Variants in WDR6 observed in about 807,000 individuals in gnomAD.
WDR6 encodes the protein tRNA (34-2'-O)-methyltransferase regulator WDR6.
WDR6 carries 58 observed loss-of-function variants against 85.6 expected under a neutral mutation model. That is an observed-to-expected ratio of 0.68 (90% CI 0.55 to 0.84). The LOEUF (loss-of-function observed/expected upper bound fraction) is 0.84. WDR6 is among the 40% of genes least tolerant of loss of function. The pLI, the probability that WDR6 is intolerant of heterozygous loss-of-function variation, is 0.00. For missense variants in WDR6, 1,310 were observed against 1,476.4 expected (o/e 0.89, Z 1.85); for synonymous variants, 569 against 582.2 (o/e 0.98, Z 0.33).
Position 49,015,821 on chromosome 3 carries a change from G to C in WDR6, c.*533G>C. The C allele has an allele frequency of 6.2e-7, 1 of 1,614,184 alleles. No homozygotes were observed. Among genetic ancestry groups the C allele is most frequent in the Non-Finnish European group, 8.5e-7 (1 of 1,180,042 alleles). On this transcript the variant is annotated 3_prime_UTR_variant, in exon 6 of 6. Coordinates refer to ENST00000608424, the MANE Select transcript of WDR6 (RefSeq NM_018031.6). The stretch of plus-strand genomic sequence containing the variant: ...GTGCTCACCCCCAGGATGTGTACCC[G>C]GTTGTAGTAGGAGCTGAAATCCATG...
chr3:49,014,896 C>T lies in WDR6; in HGVS notation c.2974C>T (p.Arg992Cys), dbSNP rs774514627. ...CAACAGCCTGCACACCTTGCCCACC[C>T]GTGAGGGCCACCATCTCGTGGCCAG... The part of the protein sequence containing the change: ...GINSLHTLPT[R>C]EGHHLVASGS... Residue 992 changes from arginine to cysteine, a missense_variant, in exon 6 of 6, where the codon CGT becomes TGT. Transcript: ENST00000608424. This position sits in a 1 kb window ranked among gnomAD's most constrained non-coding sequence, Gnocchi z 4.9. 6.8e-6 allele frequency: 11 copies of T among 1,613,834 alleles called. No homozygotes were observed. The highest frequency in any genetic ancestry group is 4.5e-5 in the East Asian group (2 of 44,872).
chr3:49,013,996 AC>A lies in WDR6; in HGVS notation c.2466del (p.Ser823AlafsTer18). The stretch of plus-strand genomic sequence containing the variant: ...TGCTTCAGCATCATGGTTACTCCGG[AC>A]CCCAGCACCCCAAGCCGCCTCGCCT... ...MHCFSIMVTPDPSTPSRLACH... is the reference protein window; with the variant it reads ...MHCFSIMVTPXPSTPSRLACH... On this transcript the variant is annotated frameshift_variant, in exon 2 of 6. Coordinates refer to ENST00000608424, the MANE Select transcript of WDR6 (RefSeq NM_018031.6). LOFTEE classifies it high-confidence loss of function. This position sits in a 1 kb window ranked among gnomAD's most constrained non-coding sequence, Gnocchi z 4.6. The A allele has an allele frequency of 6.2e-7, 1 of 1,610,924 alleles. No individual in the cohort carries two copies. Among genetic ancestry groups the A allele is most frequent in the South Asian group, 1.1e-5 (1 of 91,058 alleles).
At position 49,013,085 on chromosome 3, in the gene WDR6, A is replaced by G. The variant is rs760686245; in HGVS notation, c.1551A>G (p.Leu517=). Residue 517 remains leucine, a synonymous_variant, in exon 2 of 6, where the codon CTA becomes CTG. Coordinates refer to ENST00000608424, the MANE Select transcript of WDR6 (RefSeq NM_018031.6). This position sits in a 1 kb window ranked among gnomAD's most constrained non-coding sequence, Gnocchi z 4.6. The stretch of plus-strand genomic sequence containing the variant: ...GTGACCGCCGGGGCTCTGTGCTGCT[A>G]TTCCCCTCCAGACCAGGTCTGCTCA... The part of the protein sequence containing the change: ...VCGDRRGSVL[L]FPSRPGLLKD... The G allele has an allele frequency of 4.3e-6, 7 of 1,610,596 alleles. No individual in the cohort carries two copies. Among genetic ancestry groups the G allele is most frequent in the East Asian group, 2.2e-5 (1 of 44,792 alleles).
intron 1 of WDR6, chr3:49,008,400 T>G (rs1257423150): frequency 1.3e-5 from 2 of 151,566 alleles, no homozygotes; most frequent in Admixed American, 6.6e-5. Context: ...CCTAAGAGGG[T>G]GTGTGTATGG....
In WDR6 at chr3:49,015,731, T is replaced by G; in HGVS notation, c.*443T>G. The G allele has an allele frequency of 6.2e-7, 1 of 1,614,042 alleles. No individual in the cohort carries two copies. Among genetic ancestry groups the G allele is most frequent in the Non-Finnish European group, 8.5e-7 (1 of 1,179,980 alleles). On this transcript the variant is annotated 3_prime_UTR_variant, in exon 6 of 6. Transcript: ENST00000608424. ...TCCTGAAAGAGAAAGGGCCTGCTGGTCTCATCCTCTGCTTCCTTTGCCTTT... is the reference window on the plus strand; with the variant it reads ...TCCTGAAAGAGAAAGGGCCTGCTGGGCTCATCCTCTGCTTCCTTTGCCTTT...
intron 1 of WDR6, among the ~76,000 whole-genome samples, chr3:49,010,695 A>C (rs2093009537): frequency 6.6e-6 from 1 of 151,794 alleles, no homozygotes. Context: ...TTAAAAATAC[A>C]AAAAATTAGC....
Position 49,013,788 on chromosome 3 carries a change from G to C in WDR6, c.2254G>C (p.Val752Leu), listed in dbSNP as rs202233082. ...IVITCSEDTT[V>L]CVLALPTTTG... ...GATCACATGTAGTGAGGACACTACTGTCTGTGTCCTAGCACTCCCTACAAC... is the reference window on the plus strand; with the variant it reads ...GATCACATGTAGTGAGGACACTACTCTCTGTGTCCTAGCACTCCCTACAAC... The change falls in exon 2 of 6, where the codon GTC (valine) becomes CTC (leucine). Residue 752 changes from valine to leucine, a missense_variant. Physicochemically the swap from Val to Leu is conservative, Grantham distance 32. Transcript: ENST00000608424. The surrounding 1 kb of genome is among the most constrained non-coding windows in gnomAD (Gnocchi z 4.6). The C allele has an allele frequency of 1.7e-5, 28 of 1,614,108 alleles. No homozygotes were observed. The highest frequency in any genetic ancestry group is 2.4e-5 in the Non-Finnish European group (28 of 1,180,010).
chr3:49,009,629 G>C (rs1020091279), intron 1 of WDR6, among the ~76,000 whole-genome samples: 11 of 152,226 alleles, frequency 7.2e-5, no homozygotes, highest in Admixed American at 2.0e-4. Flanking sequence ...GATGTCTCCT[G>C]TGGGGAAAGT....
rs2093047370 is a variant in WDR6, at chr3:49,015,230, T to C, written c.3308T>C (p.Phe1103Ser). The change falls in exon 6 of 6, where the codon TTT (phenylalanine) becomes TCT (serine). Residue 1103 changes from phenylalanine to serine, a missense_variant. By Grantham distance (155) the Phe-to-Ser change is radical. Transcript: ENST00000608424. ...DMDCWPVSPE[F>S]GHRCALGGQG... Reference sequence around the variant, plus strand: ...GACTGCTGGCCTGTGAGCCCTGAGTTTGGCCACCGTTGTGCCCTTGGGGGT... The same window carrying C: ...GACTGCTGGCCTGTGAGCCCTGAGTCTGGCCACCGTTGTGCCCTTGGGGGT... 3 of 1,613,404 alleles carry C rather than the reference T, an allele frequency of 1.9e-6. No individual in the cohort carries two copies. Among genetic ancestry groups the C allele is most frequent in the African/African-American group, 1.3e-5 (1 of 74,928 alleles).
At chr3:49,008,374 G>A (rs2092996348) in intron 1 of WDR6, 1 of 152,458 alleles carries the variant, frequency 6.6e-6, no homozygotes, top group Non-Finnish European at 1.5e-5. Flanking sequence ...CAGGCCTTGA[G>A]TGAGTTGCCA....
rs1032135266 is a variant in WDR6, at chr3:49,015,716, G to C, written c.*428G>C. 17 of 1,614,072 alleles carry C rather than the reference G, an allele frequency of 1.1e-5. No individual in the cohort carries two copies. Among genetic ancestry groups the C allele is most frequent in the Non-Finnish European group, 1.4e-5 (16 of 1,180,006 alleles). ...AGGTGTGGTCGAGGCTCCTGAAAGA[G>C]AAAGGGCCTGCTGGTCTCATCCTCT... On this transcript the variant is annotated 3_prime_UTR_variant, in exon 6 of 6. Coordinates refer to ENST00000608424, the MANE Select transcript of WDR6 (RefSeq NM_018031.6).
Position 49,013,972 on chromosome 3 carries a change from G to A in WDR6, c.2438G>A (p.Cys813Tyr). The change falls in exon 2 of 6, where the codon TGC becomes TAC. Residue 813 changes from cysteine (C) to tyrosine (Y), a missense_variant. Transcript: ENST00000608424. This position sits in a 1 kb window ranked among gnomAD's most constrained non-coding sequence, Gnocchi z 4.6. ...VSAGGRAEMHCFSIMVTPDPS... is the reference protein window; with the variant it reads ...VSAGGRAEMHYFSIMVTPDPS... ...GCGGGGGGGCGGGCTGAGATGCACT[G>A]CTTCAGCATCATGGTTACTCCGGAC... The A allele has an allele frequency of 1.9e-6, 3 of 1,612,036 alleles. No homozygotes were observed. The highest frequency in any genetic ancestry group is 1.3e-5 in the African/African-American group (1 of 75,014).
At position 49,013,828 on chromosome 3, in the gene WDR6, A is replaced by T. The variant is rs773991867; in HGVS notation, c.2294A>T (p.His765Leu). Residue 765 changes from histidine to leucine, a missense_variant, in exon 2 of 6, where the codon CAC (histidine) becomes CTC (leucine). Coordinates refer to ENST00000608424, the MANE Select transcript of WDR6 (RefSeq NM_018031.6). The surrounding 1 kb of genome is among the most constrained non-coding windows in gnomAD (Gnocchi z 4.6). ...CTCCCTACAACCACAGGCTCAGCCCACGCACTCACAGCTGTTTGTAACCAT... is the reference window on the plus strand; with the variant it reads ...CTCCCTACAACCACAGGCTCAGCCCTCGCACTCACAGCTGTTTGTAACCAT... ...LALPTTTGSA[H>L]ALTAVCNHIS... The T allele has an allele frequency of 6.2e-7, 1 of 1,613,966 alleles. No individual in the cohort carries two copies. Among genetic ancestry groups the T allele is most frequent in the South Asian group, 1.1e-5 (1 of 91,090 alleles).
At chr3:49,008,912 TCCTC>T in intron 1 of WDR6, 1 of 152,924 alleles carries the variant, frequency 6.5e-6, no homozygotes, top group Non-Finnish European at 1.5e-5. Flanking sequence ...GAGACAGTCT[TCCTC>T]TGTCACCCAG....
Position 49,015,647 on chromosome 3 carries a change from G to T in WDR6, c.*359G>T, listed in dbSNP as rs753020281. 4.3e-6 allele frequency: 7 copies of T among 1,614,024 alleles called. No homozygotes were observed. Among genetic ancestry groups the T allele is most frequent in the Non-Finnish European group, 5.9e-6 (7 of 1,180,042 alleles). On this transcript the variant is annotated 3_prime_UTR_variant, in exon 6 of 6. Coordinates refer to ENST00000608424, the MANE Select transcript of WDR6 (RefSeq NM_018031.6). ...GCCAGGCCAGTATGGAGCACCTCAC[G>T]CACAGCTCTCAGAAGCTGCAGGCGG...
Position 49,012,344 on chromosome 3 carries a change from C to T in WDR6, c.810C>T (p.Tyr270=), listed in dbSNP as rs774356638. The change falls in exon 2 of 6, where the codon TAC becomes TAT. Residue 270 remains tyrosine (Y), a synonymous_variant. Coordinates refer to ENST00000608424, the MANE Select transcript of WDR6 (RefSeq NM_018031.6). This position sits in a 1 kb window ranked among gnomAD's most constrained non-coding sequence, Gnocchi z 4.4. ...RVWQVKLLEN[Y]LISAGEDCVC... ...GGCAGGTCAAGCTTCTAGAGAATTA[C>T]CTTATCAGTGCAGGAGAGGATTGTG... The T allele has an allele frequency of 1.2e-6, 2 of 1,614,100 alleles. No individual in the cohort carries two copies. Among genetic ancestry groups the T allele is most frequent in the Admixed American group, 1.7e-5 (1 of 60,012 alleles).
chr3:49,007,651 C>A lies in WDR6; in HGVS notation c.100+120C>A, dbSNP rs1346779789. ...AGAAGGACGGGCAGCAGGTTGAGGC[C>A]GATCGGAGGTGGGAAGGGAGCCCCG... On this transcript the variant is annotated intron_variant, in intron 1 of 5. Transcript: ENST00000608424. The surrounding 1 kb of genome is among the most constrained non-coding windows in gnomAD (Gnocchi z 5.1). 5 of 1,351,068 alleles carry A rather than the reference C, an allele frequency of 3.7e-6. No homozygotes were observed. The East Asian group carries it at 1.4e-4, about 38-fold the overall frequency. The allele number at this position is 1,351,068 out of a possible 1,614,324, so 83.7% of individuals were successfully genotyped here.
In WDR6 at chr3:49,014,691, C is replaced by T; in HGVS notation, c.2875C>T (p.Pro959Ser). Residue 959 changes from proline (P) to serine (S), a missense_variant, in exon 5 of 6, where the codon CCT becomes TCT. Physicochemically the swap from Pro to Ser is moderately conservative, Grantham distance 74. Transcript: ENST00000608424. The surrounding 1 kb of genome is among the most constrained non-coding windows in gnomAD (Gnocchi z 4.9). ...AGACCATGACTCCACTGTCCTGGAGCCTCCAGTGGATCCTGGGCTTCCCTA... is the reference window on the plus strand; with the variant it reads ...AGACCATGACTCCACTGTCCTGGAGTCTCCAGTGGATCCTGGGCTTCCCTA... ...MLDHDSTVLE[P>S]PVDPGLPYRL... The T allele has an allele frequency of 6.2e-7, 1 of 1,613,294 alleles. No individual in the cohort carries two copies. Among genetic ancestry groups the T allele is most frequent in the Non-Finnish European group, 8.5e-7 (1 of 1,179,908 alleles).
rs2093032261 is a variant in WDR6 at position 49,013,834 on chromosome 3, T to TCAGCC, written c.2302_2303insGCCCA (p.Thr768SerfsTer33). The TCAGCC allele has an allele frequency of 6.2e-7, 1 of 1,613,996 alleles. No homozygotes were observed. The highest frequency in any genetic ancestry group is 8.5e-7 in the Non-Finnish European group (1 of 1,179,996). ...ACAACCACAGGCTCAGCCCACGCAC[T>TCAGCC]CACAGCTGTTTGTAACCATATCTCC... On this transcript the variant is annotated frameshift_variant, in exon 2 of 6. Coordinates refer to ENST00000608424, the MANE Select transcript of WDR6 (RefSeq NM_018031.6). LOFTEE classifies it high-confidence loss of function. The surrounding 1 kb of genome is among the most constrained non-coding windows in gnomAD (Gnocchi z 4.6).
Sources: allele counts gnomAD v4.1 joint callset (sites outside exome capture counted in the v4.1 genomes callset), GRCh38; gene constraint gnomAD v4.1.1; non-coding constraint Gnocchi (gnomAD v3.1); transcripts MANE v1.5; gene names NCBI Gene and HGNC (gene_info 2026-07-23, HGNC 2026-07-21).